ADAM22: variants seen among roughly 807,000 people sequenced by gnomAD.
The protein encoded by ADAM22 is disintegrin and metalloproteinase domain-containing protein 22.
ADAM22 carries 65 observed loss-of-function variants against 144.6 expected under a neutral mutation model. The ratio of observed to expected loss-of-function variants is 0.45; its 90% CI spans 0.37 to 0.55. The LOEUF is 0.55. Among genes scored for constraint, ADAM22 ranks in the 20% least tolerant of loss-of-function variants. The pLI is 0.00. For synonymous variants in ADAM22, 391 were observed against 412.6 expected (o/e 0.95, Z 0.63); for missense variants, 974 against 1,184.9 (o/e 0.82, Z 2.61).
chr7:88,071,850 A>G (rs1046571991), intron 3 of ADAM22, among the ~76,000 whole-genome samples: 1 of 152,120 alleles, frequency 6.6e-6, no homozygotes, highest in Non-Finnish European at 1.5e-5. Flanking sequence ...ATTCTACCTG[A>G]CCCATTTACA....
At chr7:88,108,485 T>TG (rs987718099) in intron 5 of ADAM22, among the ~76,000 whole-genome samples, 4 of 151,894 alleles carry the variant, frequency 2.6e-5, no homozygotes, top group Admixed American at 2.0e-4. Flanking sequence ...CCCAGCACTT[T>TG]GGGGGGGTCT....
chr7:88,024,945 C>G (rs1393213972), intron 3 of ADAM22, among the ~76,000 whole-genome samples: 2 of 152,102 alleles, frequency 1.3e-5, no homozygotes, highest in Non-Finnish European at 1.5e-5. Context: ...TTAATCCAGT[C>G]TATCATTGTT....
At chr7:88,177,564 T>C (rs1845988465) in intron 26 of ADAM22, among the ~76,000 whole-genome samples, 1 of 152,204 alleles carries the variant, frequency 6.6e-6, no homozygotes, top group Admixed American at 6.6e-5. Flanking sequence ...CTACTTTCTT[T>C]AGTAAACATA....
chr7:88,159,605 C>A (rs966708345), intron 22 of ADAM22, among the ~76,000 whole-genome samples: 1 of 151,972 alleles, frequency 6.6e-6, no homozygotes, highest in East Asian at 1.9e-4. Context: ...GTTCAACATA[C>A]GCAAATTAGT....
chr7:88,059,228 G>A (rs1809099446), intron 3 of ADAM22, among the ~76,000 whole-genome samples: 1 of 152,122 alleles, frequency 6.6e-6, no homozygotes, highest in Non-Finnish European at 1.5e-5. Flanking sequence ...TCCCTCTAGA[G>A]ACGCCCACCC....
intron 3 of ADAM22, among the ~76,000 whole-genome samples, chr7:88,001,839 A>G (rs1405724045): frequency 6.6e-6 from 1 of 151,902 alleles, no homozygotes; most frequent in Non-Finnish European, 1.5e-5. Flanking sequence ...AAGTTTCTAT[A>G]ACATGTTTAT....
intron 3 of ADAM22, among the ~76,000 whole-genome samples, chr7:88,015,310 G>A (rs905272994): frequency 3.9e-5 from 6 of 152,122 alleles, no homozygotes; most frequent in African/African-American, 1.4e-4. Flanking sequence ...CTATTCCAGA[G>A]GTAGAAAGAG....
chr7:88,008,908 T>G (rs1004940115), intron 3 of ADAM22, among the ~76,000 whole-genome samples: 78 of 80,668 alleles, frequency 9.7e-4, no homozygotes, highest in African/African-American at 2.6e-3. Context: ...ATAATAATAA[T>G]AATAAAAAGA....
intron 3 of ADAM22, among the ~76,000 whole-genome samples, chr7:88,044,968 G>A (rs955861821): frequency 2.0e-5 from 3 of 150,134 alleles, no homozygotes; most frequent in East Asian, 2.0e-4. Context: ...CAGGCGATCC[G>A]CCCACCTCGG....
At chr7:88,141,546 T>TTACATGAGC (rs1173761793) in intron 14 of ADAM22, among the ~76,000 whole-genome samples, 7 of 152,276 alleles carry the variant, frequency 4.6e-5, no homozygotes, top group Admixed American at 4.6e-4. Context: ...TTTTTTCCCT[T>TTACATGAGC]TTTATCAAAG....
At chr7:88,180,889 G>A (rs1018591764) in intron 27 of ADAM22, among the ~76,000 whole-genome samples, 31 of 152,226 alleles carry the variant, frequency 2.0e-4, no homozygotes, top group African/African-American at 7.2e-4. Context: ...TGGGCTTTGT[G>A]AGAGGCACTG....
intron 3 of ADAM22, among the ~76,000 whole-genome samples, chr7:88,039,464 A>AAAAAAAAAAAAAAAAAAAAAAATAT: frequency 1.0e-4 from 8 of 76,404 alleles, no homozygotes; most frequent in Non-Finnish European, 2.2e-4. Context: ...AAAAAAAAAA[A>AAAAAAAAAAAAAAAAAAAAAAATAT]ATATATATAT....
At position 88,068,849 on chromosome 7, in the gene ADAM22, G is replaced by A. The variant is rs569550487; in HGVS notation, c.324-6777G>A. Among the ~76,000 whole-genome samples the A allele has an allele frequency of 3.3e-4, 50 of 152,212 alleles. No individual in the cohort carries two copies. The South Asian group carries it at 0.01, about 32-fold the overall frequency. ...GGGCTTCCTGACAGCATGGTGGCTGGATTCAAAGGAGAATTCTACATGCAT... is the reference window on the plus strand; with the variant it reads ...GGGCTTCCTGACAGCATGGTGGCTGAATTCAAAGGAGAATTCTACATGCAT... On this transcript the variant is annotated intron_variant, in intron 3 of 31. Coordinates refer to ENST00000413139, the MANE Select transcript of ADAM22 (RefSeq NM_001324418.2).
intron 3 of ADAM22, among the ~76,000 whole-genome samples, chr7:88,014,620 G>C (rs991949691): frequency 3.3e-5 from 5 of 152,102 alleles, no homozygotes; most frequent in Admixed American, 1.3e-4. Flanking sequence ...GCAGACACCT[G>C]TAATCCCAGC....
chr7:88,154,950 T>C (rs1378848896), intron 21 of ADAM22, among the ~76,000 whole-genome samples: 1 of 152,162 alleles, frequency 6.6e-6, no homozygotes, highest in Non-Finnish European at 1.5e-5. Context: ...TAAAAATATG[T>C]TTATTGTTAT....
intron 5 of ADAM22, among the ~76,000 whole-genome samples, chr7:88,114,008 TATAAA>T (rs1369112481): frequency 6.6e-6 from 1 of 151,970 alleles, no homozygotes; most frequent in Non-Finnish European, 1.5e-5. Flanking sequence ...TTTCCTTACT[TATAAA>T]ATAAGGATAG....
chr7:88,128,007 G>A (rs1028837002), intron 8 of ADAM22, among the ~76,000 whole-genome samples: 2 of 151,874 alleles, frequency 1.3e-5, no homozygotes, highest in African/African-American at 4.8e-5. Context: ...AGTTCTCAAA[G>A]CTATTCTAAC....
chr7:87,937,327 T>A (rs1841477640), intron 2 of ADAM22, among the ~76,000 whole-genome samples: 1 of 152,162 alleles, frequency 6.6e-6, no homozygotes, highest in African/African-American at 2.4e-5. Flanking sequence ...TTTTTCCCCT[T>A]GCAATTTTTT....
chr7:88,201,822 G>A lies in ADAM22; in HGVS notation c.*5331G>A, dbSNP rs76168571. On this transcript the variant is annotated 3_prime_UTR_variant, in exon 32 of 32. Transcript: ENST00000413139. ...ATGCACATACAGAATCATCAATAAA[G>A]TTTCAAAGAGTTTATGAAGAAAAGG... 2.9e-3 allele frequency: 434 copies of A among 152,188 alleles called. 1 individual carries two copies. The highest frequency in any genetic ancestry group is 0.01 in the African/African-American group (428 of 41,522). The allele number at this position is 152,188 out of a possible 1,614,324, so 9.4% of individuals were successfully genotyped here.
Sources: gnomAD v4.1 joint callset for allele counts (sites outside exome capture counted in the v4.1 genomes callset) on GRCh38, gnomAD v4.1.1 for gene constraint, MANE v1.5 for transcripts, NCBI Gene and HGNC (gene_info 2026-07-23, HGNC 2026-07-21) for gene names.